RAB3IP: variants seen among roughly 807,000 people sequenced by gnomAD.
RAB3IP encodes rab-3A-interacting protein.
RAB3IP carries 36 observed loss-of-function variants against 59.1 expected under a neutral mutation model. The observed-to-expected ratio is 0.61, with a 90% confidence interval of 0.47 to 0.80. The LOEUF (loss-of-function observed/expected upper bound fraction) is 0.80. RAB3IP is among the 30% of genes least tolerant of loss of function. The pLI is 0.00. For synonymous variants in RAB3IP, 207 were observed against 191.2 expected, an observed-to-expected ratio of 1.08 and a Z score of -0.68; for missense variants, 511 against 536.0, an observed-to-expected ratio of 0.95 and a Z score of 0.46.
At chr12:69,797,129 T>C (rs542094145) in intron 6 of RAB3IP, among the ~76,000 whole-genome samples, 3 of 152,360 alleles carry the variant, frequency 2.0e-5, no homozygotes, top group Admixed American at 1.3e-4. Context: ...GTAGAAAATA[T>C]GATGGGGCAC....
At chr12:69,797,481 T>C (rs374117642) in intron 6 of RAB3IP, among the ~76,000 whole-genome samples, 10,673 of 135,198 alleles carry the variant, frequency 0.079, 378 homozygotes, top group Non-Finnish European at 0.13. Context: ...TTCTTTCTTT[T>C]TTTTTTTTTT....
At chr12:69,803,752 G>A (rs1463372787) in intron 8 of RAB3IP, among the ~76,000 whole-genome samples, 1 of 151,888 alleles carries the variant, frequency 6.6e-6, no homozygotes, top group African/African-American at 2.4e-5. Context: ...GCGGTGTTTG[G>A]TTTTTTTGTC....
intron 8 of RAB3IP, among the ~76,000 whole-genome samples, chr12:69,801,949 A>C (rs991153024): frequency 9.6e-5 from 14 of 146,366 alleles, no homozygotes; most frequent in Non-Finnish European, 2.1e-4. Context: ...TGCAAAAGTA[A>C]TCGTGCTTGT....
chr12:69,786,821 A>G (rs1317241439), intron 4 of RAB3IP, among the ~76,000 whole-genome samples: 1 of 152,182 alleles, frequency 6.6e-6, no homozygotes, highest in Non-Finnish European at 1.5e-5. Flanking sequence ...GTGAAAAAGC[A>G]TATCTAAAAA....
At chr12:69,814,629 C>G (rs902689474) in intron 10 of RAB3IP, among the ~76,000 whole-genome samples, 1 of 151,808 alleles carries the variant, frequency 6.6e-6, no homozygotes, top group Non-Finnish European at 1.5e-5. Flanking sequence ...TGTTTCTATT[C>G]ATTGCCAAAC....
chr12:69,781,358 A>G (rs964729878), intron 3 of RAB3IP, among the ~76,000 whole-genome samples: 47 of 152,202 alleles, frequency 3.1e-4, no homozygotes, highest in African/African-American at 1.1e-3. Context: ...CTTAAAATTA[A>G]TACACCTCCA....
rs11177818 is a variant in RAB3IP at position 69,739,576 on chromosome 12, G to C, written c.-26+545G>C. ...CTTAGGAAACTACGCGCGAGGCACC[G>C]TGCTGAGGCGTAGAGGTCACCCTCG... On this transcript the variant is annotated intron_variant, in intron 1 of 10. Transcript: ENST00000247833. 3.6e-6 allele frequency: 2 copies of C among 553,304 alleles called. 1 individual carries two copies. The highest frequency in any genetic ancestry group is 6.3e-5 in the Admixed American group (2 of 31,610). The allele number at this position is 553,304 out of a possible 1,614,324, so 34.3% of individuals were successfully genotyped here.
intron 2 of RAB3IP, among the ~76,000 whole-genome samples, chr12:69,755,977 G>A (rs1870152411): frequency 6.6e-6 from 1 of 152,104 alleles, no homozygotes; most frequent in Admixed American, 6.5e-5. Flanking sequence ...CTTCATATAT[G>A]GATGCAGAAT....
intron 1 of RAB3IP, among the ~76,000 whole-genome samples, chr12:69,745,735 G>A (rs535513715): frequency 7.2e-5 from 11 of 152,046 alleles, no homozygotes; most frequent in Non-Finnish European, 1.2e-4. Flanking sequence ...AGGTATACAC[G>A]TGCCATGGTG....
At chr12:69,765,081 T>C (rs903993888) in intron 3 of RAB3IP, among the ~76,000 whole-genome samples, 3 of 152,212 alleles carry the variant, frequency 2.0e-5, no homozygotes, top group Non-Finnish European at 2.9e-5. Context: ...TCATATAGTC[T>C]GTAGGAGAGG....
At chr12:69,752,675 G>A (rs1370237671) in intron 1 of RAB3IP, among the ~76,000 whole-genome samples, 1 of 152,082 alleles carries the variant, frequency 6.6e-6, no homozygotes, top group Non-Finnish European at 1.5e-5. Flanking sequence ...ATGCTTTTAC[G>A]TTTTATGATT....
intron 3 of RAB3IP, among the ~76,000 whole-genome samples, chr12:69,763,930 A>C (rs1368631347): frequency 6.6e-6 from 1 of 152,086 alleles, no homozygotes; most frequent in Non-Finnish European, 1.5e-5. Context: ...GCTGCAGAGG[A>C]ATTTATTTTG....
intron 3 of RAB3IP, among the ~76,000 whole-genome samples, chr12:69,770,474 T>C (rs1422709258): frequency 6.6e-6 from 1 of 152,238 alleles, no homozygotes; most frequent in Non-Finnish European, 1.5e-5. Flanking sequence ...TGTATTTTTA[T>C]TGTTTTTTCT....
chr12:69,803,686 C>A (rs1878760111), intron 8 of RAB3IP, among the ~76,000 whole-genome samples: 1 of 151,972 alleles, frequency 6.6e-6, no homozygotes, highest in Admixed American at 6.6e-5. Context: ...TGTGATGTTC[C>A]CCTTCCTGTG....
chr12:69,805,170 A>G (rs907431340), intron 8 of RAB3IP, among the ~76,000 whole-genome samples: 2 of 151,994 alleles, frequency 1.3e-5, no homozygotes, highest in Non-Finnish European at 2.9e-5. Context: ...CTTTTATTTC[A>G]TTGAGCAGTG....
chr12:69,820,899 T>G lies in RAB3IP; in HGVS notation c.*5453T>G, dbSNP rs568166109. The G allele has an allele frequency of 7.5e-6, 1 of 132,642 alleles. No individual in the cohort carries two copies. Among genetic ancestry groups the G allele is most frequent in the East Asian group, 2.2e-4 (1 of 4,598 alleles). 8.2% of individuals were successfully genotyped at this position (132,642 alleles called of 1,614,324 possible). A position where few individuals can be genotyped will look rare whatever the true frequency, so the allele number is the denominator to read the frequency against. On this transcript the variant is annotated 3_prime_UTR_variant, in exon 11 of 11. Transcript: ENST00000247833. ...AACCCAAACTCAATAGAAAATCAAG[T>G]TTTCATAGTGGTAGTTGTTAACAGA...
At chr12:69,761,301 A>C (rs1471154749) in intron 3 of RAB3IP, among the ~76,000 whole-genome samples, 1 of 152,142 alleles carries the variant, frequency 6.6e-6, no homozygotes, top group Non-Finnish European at 1.5e-5. Flanking sequence ...CAGTTTAATA[A>C]ATGTTTTGTT....
intron 3 of RAB3IP, among the ~76,000 whole-genome samples, chr12:69,760,565 A>G (rs560293106): frequency 1.4e-4 from 21 of 152,242 alleles, no homozygotes; most frequent in African/African-American, 3.8e-4. Context: ...TTTGGCTTGA[A>G]GGACATCCTT....
chr12:69,756,787 G>A (rs1870308298), intron 3 of RAB3IP, 124 bp downstream of exon 3: 1 of 785,484 alleles, frequency 1.3e-6, no homozygotes, highest in African/African-American at 1.7e-5. Flanking sequence ...CATATGCCCA[G>A]CCTCAGCTCC....
Sources: allele counts gnomAD v4.1 joint callset (sites outside exome capture counted in the v4.1 genomes callset), GRCh38; gene constraint gnomAD v4.1.1; transcripts MANE v1.5; gene names NCBI Gene and HGNC (gene_info 2026-07-23, HGNC 2026-07-21).